SHISA9: variants seen among roughly 807,000 people sequenced by gnomAD.
SHISA9 encodes shisa family member 9.
SHISA9 carries 13 observed loss-of-function variants against 38.0 expected under a neutral mutation model. That is an observed-to-expected ratio of 0.34 (90% confidence interval 0.22 to 0.54). The LOEUF is 0.54. Ranked by LOEUF, SHISA9 falls within the 20% of genes least tolerant of loss-of-function variation. SHISA9 has a pLI of 0.91. For synonymous variants in SHISA9, 275 were observed against 242.0 expected, an observed-to-expected ratio of 1.14 and a Z score of -1.27; for missense variants, 538 against 575.8, an observed-to-expected ratio of 0.93 and a Z score of 0.67.
At chr16:13,023,584 G>C (rs912785081) in intron 2 of SHISA9, among the ~76,000 whole-genome samples, 1 of 152,174 alleles carries the variant, frequency 6.6e-6, no homozygotes, top group Non-Finnish European at 1.5e-5. Flanking sequence ...AGATCCCTGA[G>C]GAATCGCCAC....
chr16:13,448,020 C>A, the SHISA9 span, among the ~76,000 whole-genome samples: 6 of 152,170 alleles, frequency 3.9e-5, no homozygotes, highest in African/African-American at 1.4e-4. Flanking sequence ...AACACAGGCC[C>A]AGGGTGTCTA....
At chr16:12,903,400 A>C (rs1214500150) in intron 1 of SHISA9, among the ~76,000 whole-genome samples, 1 of 152,072 alleles carries the variant, frequency 6.6e-6, no homozygotes, top group Non-Finnish European at 1.5e-5. Flanking sequence ...AAGCACCCTG[A>C]TTTCGTCAAC....
At chr16:13,400,363 AAC>A in the SHISA9 span, among the ~76,000 whole-genome samples, 2,820 of 150,758 alleles carry the variant, frequency 0.019, 76 homozygotes, top group African/African-American at 0.059. Flanking sequence ...CCTCTGTTCC[AAC>A]ACACACACAC....
chr16:13,391,029 A>C, the SHISA9 span, among the ~76,000 whole-genome samples: 1 of 152,200 alleles, frequency 6.6e-6, no homozygotes, highest in Non-Finnish European at 1.5e-5. Flanking sequence ...GGGAGACAAC[A>C]TGAGAGAGAA....
intron 2 of SHISA9, among the ~76,000 whole-genome samples, chr16:13,141,421 T>A (rs28579740): frequency 0.057 from 8,725 of 152,052 alleles, 641 homozygotes; most frequent in African/African-American, 0.17. Context: ...GTGCAGTGGC[T>A]CACACCTGTA....
At chr16:13,143,610 C>T (rs62028946) in intron 2 of SHISA9, among the ~76,000 whole-genome samples, 10,334 of 152,264 alleles carry the variant, frequency 0.068, 505 homozygotes, top group Non-Finnish European at 0.1. Flanking sequence ...CTGATTCCCA[C>T]TAGATTGATG....
the SHISA9 span, among the ~76,000 whole-genome samples, chr16:13,257,482 C>A: frequency 6.6e-6 from 1 of 152,200 alleles, no homozygotes; most frequent in Non-Finnish European, 1.5e-5. Flanking sequence ...CTCATTCATA[C>A]ACCATCATCA....
the SHISA9 span, among the ~76,000 whole-genome samples, chr16:13,396,701 A>T: frequency 1.8e-4 from 27 of 152,186 alleles, no homozygotes; most frequent in African/African-American, 6.5e-4. Flanking sequence ...TTTTGCACGT[A>T]CTGGGATGCT....
At chr16:13,213,410 C>T in intron 4 of SHISA9, 110 bp downstream of exon 4, 2 of 1,011,072 alleles carry the variant, frequency 2.0e-6, no homozygotes, top group Non-Finnish European at 3.0e-6. Flanking sequence ...ACATGTGTGT[C>T]TGCATAGGGT....
chr16:12,934,923 C>A (rs538619113), intron 2 of SHISA9, among the ~76,000 whole-genome samples: 37 of 152,170 alleles, frequency 2.4e-4, no homozygotes, highest in African/African-American at 8.9e-4. Context: ...ACTGAAGGAA[C>A]GTCTGATGGT....
At chr16:13,483,253 C>T in the SHISA9 span, among the ~76,000 whole-genome samples, 1 of 152,112 alleles carries the variant, frequency 6.6e-6, no homozygotes, top group African/African-American at 2.4e-5. Context: ...CACCATGAAT[C>T]ATTTAGGGCT....
At chr16:13,382,546 A>AAG in the SHISA9 span, among the ~76,000 whole-genome samples, 7 of 149,600 alleles carry the variant, frequency 4.7e-5, no homozygotes, top group African/African-American at 1.7e-4. Flanking sequence ...AAAAAAAAAA[A>AAG]AAAGAAAGAA....
the SHISA9 span, among the ~76,000 whole-genome samples, chr16:13,544,710 A>T: frequency 6.6e-6 from 1 of 152,072 alleles, no homozygotes; most frequent in Non-Finnish European, 1.5e-5. Context: ...TGGGAGGCCG[A>T]GGTGGGCAGA....
chr16:13,350,880 AGAGT>A, the SHISA9 span, among the ~76,000 whole-genome samples: 1 of 152,232 alleles, frequency 6.6e-6, no homozygotes, highest in Non-Finnish European at 1.5e-5. Flanking sequence ...TGGCAAAGTC[AGAGT>A]AAGTAGGACT....
intron 2 of SHISA9, among the ~76,000 whole-genome samples, chr16:13,130,015 C>T (rs2050293312): frequency 6.6e-6 from 1 of 152,132 alleles, no homozygotes; most frequent in Non-Finnish European, 1.5e-5. Flanking sequence ...TGTAATGCTA[C>T]CACTTAAGTT....
intron 2 of SHISA9, among the ~76,000 whole-genome samples, chr16:12,961,657 C>T (rs1017422938): frequency 1.3e-5 from 2 of 152,130 alleles, no homozygotes; most frequent in Admixed American, 1.3e-4. Context: ...AGAACAGTGA[C>T]CGCATCATAT....
At chr16:13,423,357 A>G in the SHISA9 span, among the ~76,000 whole-genome samples, 2 of 152,208 alleles carry the variant, frequency 1.3e-5, no homozygotes. Flanking sequence ...AAAGGGAGAT[A>G]AGTTCAAAGG....
intron 2 of SHISA9, among the ~76,000 whole-genome samples, chr16:13,081,656 G>T (rs2073651136): frequency 6.6e-6 from 1 of 152,000 alleles, no homozygotes; most frequent in African/African-American, 2.4e-5. Flanking sequence ...TCCTAGGCAG[G>T]AATGGATCTC....
At chr16:13,252,832 T>A in the SHISA9 span, among the ~76,000 whole-genome samples, 1 of 152,332 alleles carries the variant, frequency 6.6e-6, no homozygotes, top group African/African-American at 2.4e-5. Context: ...AATAAATATT[T>A]GTTGAATGAA....
Sources: allele counts gnomAD v4.1 joint callset (sites outside exome capture counted in the v4.1 genomes callset), GRCh38; gene constraint gnomAD v4.1.1; transcripts MANE v1.5; gene names NCBI Gene and HGNC (gene_info 2026-07-23, HGNC 2026-07-21).